Variants in SEC14L4 observed in about 807,000 individuals in gnomAD.
The protein encoded by SEC14L4 is SEC14-like protein 4.
Under a neutral mutation model 55.1 loss-of-function variants are expected in SEC14L4, and 42 were observed. That is an observed-to-expected ratio of 0.76 (90% CI 0.60 to 0.99). The LOEUF (loss-of-function observed/expected upper bound fraction) is 0.99, where lower values mean the gene tolerates loss of function less well. SEC14L4 is among the 50% of genes least tolerant of loss of function. SEC14L4 has a pLI of 0.00. For synonymous variants in SEC14L4, 206 were observed against 206.8 expected (o/e 1.00, Z 0.03); for missense variants, 445 against 512.1 (o/e 0.87, Z 1.27).
intron 7 of SEC14L4, among the ~76,000 whole-genome samples, chr22:30,493,519 C>G (rs1440661756): frequency 6.6e-6 from 1 of 152,178 alleles, no homozygotes. Flanking sequence ...ACCAGGGCAG[C>G]CAGGGACCAT....
intron 10 of SEC14L4, 43 bp from the exon 11 acceptor site, chr22:30,491,785 C>G (rs1935965307): frequency 6.2e-7 from 1 of 1,612,224 alleles, no homozygotes; most frequent in South Asian, 1.1e-5. Context: ...TGCCTGGGCT[C>G]CAGGCCCCTC....
chr22:30,491,777 C>A (rs2146164101), intron 10 of SEC14L4, 35 bp from the exon 11 acceptor site: 2 of 1,612,528 alleles, frequency 1.2e-6, no homozygotes, highest in Non-Finnish European at 1.7e-6. Flanking sequence ...CGACCCCCTG[C>A]CTGGGCTCCA....
chr22:30,497,974 G>T (rs1170262210), intron 2 of SEC14L4, among the ~76,000 whole-genome samples: 1 of 152,026 alleles, frequency 6.6e-6, no homozygotes, highest in African/African-American at 2.4e-5. Context: ...AGTTATATGT[G>T]GCTACAGGTG....
At chr22:30,495,866 T>C in intron 3 of SEC14L4, 62 bp downstream of exon 3, 1 of 1,595,298 alleles carries the variant, frequency 6.3e-7, no homozygotes, top group Non-Finnish European at 8.6e-7. Context: ...TCTACCCTTT[T>C]GCAGCAAATC....
At chr22:30,498,556 T>C (rs184872443) in intron 2 of SEC14L4, among the ~76,000 whole-genome samples, 1 of 152,342 alleles carries the variant, frequency 6.6e-6, no homozygotes, top group Admixed American at 6.5e-5. Context: ...ATATTTTTTC[T>C]TTCCATGTAA....
intron 11 of SEC14L4, 149 bp from the exon 12 acceptor site, chr22:30,490,395 C>A: frequency 7.6e-7 from 1 of 1,323,360 alleles, no homozygotes; most frequent in Non-Finnish European, 1.0e-6. Context: ...AATGAGCTGT[C>A]CAGGACAGTG....
At position 30,490,606 on chromosome 22, in the gene SEC14L4, G is replaced by A. The variant is rs1008868739; in HGVS notation, c.1082-360C>T. ...TGTGGCCCACGGACACAGTATGCTC[G>A]TACTGCGTCCTCGCCTAGTTGCGGT... is the stretch of plus-strand genomic sequence containing the variant. On this transcript the variant is annotated intron_variant, in intron 11 of 11. Coordinates refer to ENST00000255858, the MANE Select transcript of SEC14L4 (RefSeq NM_174977.4). 5.3e-5 allele frequency among the ~76,000 whole-genome samples: 8 copies of A among 152,352 alleles called. No individual in the cohort carries two copies. The East Asian group carries it at 1.5e-3, about 29-fold the overall frequency.
chr22:30,490,146 C>T lies in SEC14L4; in HGVS notation c.1182G>A (p.Leu394=), dbSNP rs1011424965. 9.9e-6 allele frequency: 16 copies of T among 1,614,036 alleles called. No individual in the cohort carries two copies. Among genetic ancestry groups the T allele is most frequent in the Non-Finnish European group, 1.3e-5 (15 of 1,180,010 alleles). Reference sequence around the variant, plus strand: ...AGGGTCTCATCGCCTTGAGACTCTGCAGCGTCTCCTCAGAGGCCTTGTCGG... The same window carrying T: ...AGGGTCTCATCGCCTTGAGACTCTGTAGCGTCTCCTCAGAGGCCTTGTCGG... ...LLPDKASEET[L]QSLKAMRPSP... is the part of the protein sequence containing the mutation. Residue 394 remains leucine (L), a synonymous_variant, in exon 12 of 12, where the codon CTG becomes CTA. Transcript: ENST00000255858.
chr22:30,490,813 T>C (rs1935927793), intron 11 of SEC14L4, among the ~76,000 whole-genome samples: 1 of 152,128 alleles, frequency 6.6e-6, no homozygotes. Context: ...GGGGAGGTAC[T>C]GGGATTCCTT....
Position 30,489,919 on chromosome 22 carries a change from T to C in SEC14L4, c.*188A>G. 1 of 1,551,840 alleles carries C rather than the reference T, an allele frequency of 6.4e-7. No individual in the cohort carries two copies. Among genetic ancestry groups the C allele is most frequent in the Non-Finnish European group, 8.7e-7 (1 of 1,147,028 alleles). On this transcript the variant is annotated 3_prime_UTR_variant, in exon 12 of 12. Transcript: ENST00000255858. ...GAGGTTCCTGTCTGAATCTTCAGCA[T>C]GGGCTATGCACTGGTGGCCCCTTCC...
chr22:30,496,405 C>T (rs1040199991), intron 2 of SEC14L4, among the ~76,000 whole-genome samples: 1 of 152,086 alleles, frequency 6.6e-6, no homozygotes, highest in African/African-American at 2.4e-5. Flanking sequence ...ATTACAGGCG[C>T]GAGCCTCTGT....
intron 2 of SEC14L4, among the ~76,000 whole-genome samples, chr22:30,496,252 A>G (rs1936147232): frequency 1.3e-5 from 2 of 151,542 alleles, no homozygotes; most frequent in Admixed American, 1.3e-4. Context: ...AGCTGAGACT[A>G]CAGGGCCACA....
At chr22:30,505,311 G>A (rs1416019534) in intron 1 of SEC14L4, among the ~76,000 whole-genome samples, 1 of 152,200 alleles carries the variant, frequency 6.6e-6, no homozygotes. Context: ...AAGGACCAGG[G>A]CCGGGTGGTG....
In SEC14L4 at chr22:30,496,873, C is replaced by T. The variant is rs34689970; in HGVS notation, c.131-902G>A. Among the ~76,000 whole-genome samples the T allele has an allele frequency of 1.5e-3, 236 of 152,304 alleles. 1 individual carries two copies. Among genetic ancestry groups the T allele is most frequent in the Non-Finnish European group, 2.7e-3 (181 of 68,030 alleles). ...GAAATAGACACACTTTAATTGAAAA[C>T]ATGATGCTGTATTTTAGAAATGCTT... On this transcript the variant is annotated intron_variant, in intron 2 of 11. Coordinates refer to ENST00000255858, the MANE Select transcript of SEC14L4 (RefSeq NM_174977.4).
At chr22:30,491,349 G>C in intron 11 of SEC14L4, 1 of 594,060 alleles carries the variant, frequency 1.7e-6, no homozygotes, top group Non-Finnish European at 3.0e-6. Flanking sequence ...GGGCTTCTTA[G>C]GAGCTGAGCC....
intron 2 of SEC14L4, 50 bp downstream of exon 2, chr22:30,503,627 C>A (rs911734247): frequency 3.7e-6 from 5 of 1,362,782 alleles, no homozygotes; most frequent in Middle Eastern, 1.8e-4. Context: ...CTCCTGAGAC[C>A]CTCCTTCCTT....
At chr22:30,495,012 C>A (rs1191818070) in intron 5 of SEC14L4, 51 bp from the exon 6 acceptor site, 1 of 1,526,690 alleles carries the variant, frequency 6.6e-7, no homozygotes, top group East Asian at 2.3e-5. Flanking sequence ...GCCAGGAGAT[C>A]CTGGCCAGAG....
At chr22:30,496,567 C>G (rs113956985) in intron 2 of SEC14L4, among the ~76,000 whole-genome samples, 2,483 of 152,206 alleles carry the variant, frequency 0.016, 54 homozygotes, top group African/African-American at 0.056. Context: ...AGACACCCCC[C>G]CCCACCACCT....
Position 30,494,175 on chromosome 22 carries a change from G to A in SEC14L4, c.555C>T (p.Thr185=), listed in dbSNP as rs1569242376. The A allele has an allele frequency of 6.2e-7, 1 of 1,613,602 alleles. No homozygotes were observed. The highest frequency in any genetic ancestry group is 8.5e-7 in the Non-Finnish European group (1 of 1,179,702). Residue 185 remains threonine, a synonymous_variant, in exon 7 of 12, where the codon ACC becomes ACT. Transcript: ENST00000255858. ...FSILEANYPE[T]LKNLIVIRAP... is the part of the protein sequence containing the mutation. ...CTCGAATAACAATTAAATTCTTCAG[G>A]GTCTCAGGATAATTTGCTTCCAGGA...
Sources: gnomAD v4.1 joint callset for allele counts (sites outside exome capture counted in the v4.1 genomes callset) on GRCh38, gnomAD v4.1.1 for gene constraint, MANE v1.5 for transcripts, NCBI Gene and HGNC (gene_info 2026-07-23, HGNC 2026-07-21) for gene names.